The following EFR3A variants were observed in gnomAD, a reference collection of about 807,000 sequenced individuals.
The protein encoded by EFR3A is protein EFR3 homolog A.
A neutral mutation model predicts 104.4 loss-of-function variants in EFR3A; 76 were observed. That is an observed-to-expected ratio of 0.73 (90% CI 0.60 to 0.88). EFR3A has a LOEUF of 0.88. EFR3A is among the 40% of genes least tolerant of loss of function. The pLI is 0.00. For synonymous variants in EFR3A, 330 were observed against 330.0 expected, an observed-to-expected ratio of 1.00 and a Z score of 0.00; for missense variants, 985 against 1,012.5, an observed-to-expected ratio of 0.97 and a Z score of 0.37.
chr8:131,973,276 G>A (rs1394903642), intron 10 of EFR3A, among the ~76,000 whole-genome samples: 2 of 151,912 alleles, frequency 1.3e-5, no homozygotes, highest in Non-Finnish European at 2.9e-5. Context: ...CCTCGCTTCT[G>A]TGGTGACTTT....
intron 22 of EFR3A, among the ~76,000 whole-genome samples, chr8:132,003,808 T>C (rs923487281): frequency 6.6e-6 from 1 of 152,156 alleles, no homozygotes; most frequent in Admixed American, 6.5e-5. Context: ...TGTCTATACA[T>C]TAATAAGAAA....
At chr8:131,960,200 G>A (rs902532180) in intron 8 of EFR3A, among the ~76,000 whole-genome samples, 3 of 152,114 alleles carry the variant, frequency 2.0e-5, no homozygotes, top group African/African-American at 7.2e-5. Context: ...ATTTTATGTG[G>A]ATATCAGAAA....
chr8:131,978,979 A>T lies in EFR3A; in HGVS notation c.1459A>T (p.Met487Leu). 1 of 1,606,296 alleles carries T rather than the reference A, an allele frequency of 6.2e-7. No homozygotes were observed. ...QLVLEVMHNL[M>L]DRHDNRAKLR... ...GGTCTTGGAAGTAATGCATAATCTC[A>T]TGGATCGTCATGACAATAGGGCAAA... The change falls in exon 13 of 23, where the codon ATG (methionine) becomes TTG (leucine). Residue 487 changes from methionine to leucine, a missense_variant. Transcript: ENST00000254624.
intron 8 of EFR3A, among the ~76,000 whole-genome samples, chr8:131,965,945 G>A (rs1397864899): frequency 6.6e-6 from 1 of 152,010 alleles, no homozygotes. Flanking sequence ...ATCATTCTCA[G>A]CAAACTATCG....
At chr8:132,006,708 A>T (rs111751771) in intron 22 of EFR3A, among the ~76,000 whole-genome samples, 21 of 152,150 alleles carry the variant, frequency 1.4e-4, no homozygotes, top group African/African-American at 4.8e-4. Context: ...AGACAAGGAT[A>T]TTTTAAGAAA....
intron 22 of EFR3A, among the ~76,000 whole-genome samples, chr8:132,006,904 C>A (rs1822081671): frequency 1.3e-5 from 2 of 151,896 alleles, no homozygotes; most frequent in South Asian, 4.1e-4. Flanking sequence ...AGTAAGAAAG[C>A]AAAGTTGCAT....
chr8:131,991,246 A>G (rs552204629), intron 18 of EFR3A, among the ~76,000 whole-genome samples: 2 of 152,072 alleles, frequency 1.3e-5, no homozygotes, highest in African/African-American at 4.8e-5. Context: ...GGAAAGACCA[A>G]CCCTCATGAT....
rs191392871 is a variant in EFR3A, at chr8:131,912,871, G to A, written c.10+8549G>A. 6.7e-3 allele frequency among the ~76,000 whole-genome samples: 1,025 copies of A among 152,184 alleles called. 3 individuals carry two copies. Among genetic ancestry groups the A allele is most frequent in the Middle Eastern group, 0.017 (5 of 292 alleles). On this transcript the variant is annotated intron_variant, in intron 1 of 22. Coordinates refer to ENST00000254624, the MANE Select transcript of EFR3A (RefSeq NM_015137.6). Reference sequence around the variant, plus strand: ...GACCATACTGGCTTAGGAAAACAGCGCATCAGCTGTCTGATTGCTATCATG... The same window carrying A: ...GACCATACTGGCTTAGGAAAACAGCACATCAGCTGTCTGATTGCTATCATG...
chr8:131,972,380 T>C lies in EFR3A; in HGVS notation c.1159+1737T>C, dbSNP rs73349371. On this transcript the variant is annotated intron_variant, in intron 10 of 22. Transcript: ENST00000254624. ...AGGAGCTGCGGTTGTTTTTAGTGGATAGTAGTATTAGAGACTAAGATCTGG... is the reference window on the plus strand; with the variant it reads ...AGGAGCTGCGGTTGTTTTTAGTGGACAGTAGTATTAGAGACTAAGATCTGG... Among the ~76,000 whole-genome samples, 880 of 151,914 alleles carry C rather than the reference T, an allele frequency of 5.8e-3. 9 individuals carry two copies. The highest frequency in any genetic ancestry group is 0.02 in the African/African-American group (838 of 41,516).
chr8:131,983,094 T>C (rs1010502694), intron 14 of EFR3A, among the ~76,000 whole-genome samples: 1 of 152,182 alleles, frequency 6.6e-6, no homozygotes, highest in Admixed American at 6.6e-5. Context: ...GTTACAGACA[T>C]ACTGGCTTCA....
intron 14 of EFR3A, among the ~76,000 whole-genome samples, chr8:131,982,081 C>A (rs372002642): frequency 1.3e-5 from 2 of 152,136 alleles, no homozygotes; most frequent in East Asian, 3.9e-4. Flanking sequence ...CCAAAAGCAT[C>A]CCACATGTTC....
intron 1 of EFR3A, among the ~76,000 whole-genome samples, chr8:131,905,196 G>T (rs551955164): frequency 2.2e-4 from 33 of 152,326 alleles, no homozygotes; most frequent in African/African-American, 7.9e-4. Context: ...ATTGATTTGA[G>T]AATTCAAGTA....
chr8:131,914,068 ATC>A, intron 1 of EFR3A, among the ~76,000 whole-genome samples: 1 of 152,224 alleles, frequency 6.6e-6, no homozygotes, highest in East Asian at 1.9e-4. Flanking sequence ...TGTTGTTAGA[ATC>A]AGCAGGTTAT....
chr8:131,983,315 T>C (rs1054352947), intron 14 of EFR3A, among the ~76,000 whole-genome samples: 7 of 152,020 alleles, frequency 4.6e-5, no homozygotes, highest in Non-Finnish European at 7.4e-5. Flanking sequence ...TTACATCATA[T>C]TGGAGGAGGG....
chr8:131,942,910 A>G (rs148088142), intron 2 of EFR3A, among the ~76,000 whole-genome samples: 2 of 152,254 alleles, frequency 1.3e-5, no homozygotes, highest in Non-Finnish European at 1.5e-5. Flanking sequence ...TATTTATGTC[A>G]GATGCATGCT....
At chr8:131,906,181 G>A (rs1245831293) in intron 1 of EFR3A, among the ~76,000 whole-genome samples, 1 of 152,212 alleles carries the variant, frequency 6.6e-6, no homozygotes. Context: ...AGTCACAGCT[G>A]CCGAAATTGC....
chr8:131,932,693 A>G (rs896272553), intron 1 of EFR3A, among the ~76,000 whole-genome samples: 1 of 152,150 alleles, frequency 6.6e-6, no homozygotes, highest in African/African-American at 2.4e-5. Context: ...ATTGGTTGAA[A>G]TACACTCTAT....
intron 7 of EFR3A, 120 bp downstream of exon 7, chr8:131,956,025 TA>T: frequency 8.4e-7 from 1 of 1,188,800 alleles, no homozygotes; most frequent in Non-Finnish European, 1.2e-6. Flanking sequence ...GGAACCAGTG[TA>T]ACATTGTGAA....
intron 9 of EFR3A, among the ~76,000 whole-genome samples, chr8:131,969,927 G>A (rs2130700179): frequency 6.6e-6 from 1 of 152,174 alleles, no homozygotes; most frequent in South Asian, 2.1e-4. Flanking sequence ...AAAATAAAGT[G>A]GACAGAAGCA....
Sources: gnomAD v4.1 joint callset for allele counts (sites outside exome capture counted in the v4.1 genomes callset) on GRCh38, gnomAD v4.1.1 for gene constraint, MANE v1.5 for transcripts, NCBI Gene and HGNC (gene_info 2026-07-23, HGNC 2026-07-21) for gene names.